The following TMEM150C variants were observed in gnomAD, a reference collection of about 807,000 sequenced individuals.
TMEM150C encodes transmembrane protein 150C.
A neutral mutation model predicts 29.9 loss-of-function variants in TMEM150C; 10 were observed. The observed-to-expected ratio is 0.33, with a 90% CI of 0.21 to 0.57. TMEM150C has a LOEUF of 0.57. Ranked by LOEUF, TMEM150C falls within the 20% of genes least tolerant of loss-of-function variation. The pLI is 0.88. For missense variants in TMEM150C, 251 were observed against 303.6 expected (o/e 0.83, Z 1.29); for synonymous variants, 101 against 112.5 (o/e 0.90, Z 0.64).
intron 6 of TMEM150C, chr4:82,490,979 C>T (rs775562345): frequency 1.3e-4 from 93 of 737,074 alleles, no homozygotes; most frequent in Non-Finnish European, 2.1e-4. Flanking sequence ...CCCGCTTAGC[C>T]AAAGCTCCTT....
Position 82,542,780 on chromosome 4 carries a change from G to C in TMEM150C, c.-11+19126C>G, listed in dbSNP as rs140173818. ...TATATTTGCATCAAGGTGATTGCCA[G>C]TGTCATTAAATGGATCCAGGTGAAA... On this transcript the variant is annotated intron_variant, in intron 1 of 7. Transcript: ENST00000449862. Among the ~76,000 whole-genome samples, 423 of 152,288 alleles carry C rather than the reference G, an allele frequency of 2.8e-3. 2 individuals carry two copies. The highest frequency in any genetic ancestry group is 9.7e-3 in the African/African-American group (404 of 41,552).
intron 6 of TMEM150C, 75 bp from the exon 7 acceptor site, chr4:82,490,313 A>T: frequency 7.7e-7 from 1 of 1,292,990 alleles, no homozygotes; most frequent in Non-Finnish European, 1.1e-6. Flanking sequence ...GAATGAATAT[A>T]TGAGGGGAAA....
chr4:82,524,635 G>A (rs1224905239), intron 1 of TMEM150C, among the ~76,000 whole-genome samples: 1 of 152,212 alleles, frequency 6.6e-6, no homozygotes, highest in Non-Finnish European at 1.5e-5. Context: ...CCCTGGGTCA[G>A]GTATTCTGTT....
chr4:82,517,980 G>A (rs571180502), intron 1 of TMEM150C, among the ~76,000 whole-genome samples: 5 of 152,276 alleles, frequency 3.3e-5, no homozygotes, highest in African/African-American at 1.2e-4. Context: ...GGACTGACAT[G>A]TTTCCTACCT....
At chr4:82,493,041 A>G (rs1723424380) in intron 6 of TMEM150C, among the ~76,000 whole-genome samples, 1 of 151,200 alleles carries the variant, frequency 6.6e-6, no homozygotes, top group African/African-American at 2.4e-5. Context: ...CACATATAAG[A>G]AAGTAAAATC....
chr4:82,520,652 G>A (rs555651491), intron 1 of TMEM150C, among the ~76,000 whole-genome samples: 1 of 152,320 alleles, frequency 6.6e-6, no homozygotes, highest in South Asian at 2.1e-4. Context: ...CCAGCACGGA[G>A]GTGGGTGCAT....
intron 6 of TMEM150C, chr4:82,490,899 A>C: frequency 1.4e-6 from 1 of 712,284 alleles, no homozygotes; most frequent in East Asian, 2.7e-5. Flanking sequence ...CTTGGGACCC[A>C]GGACATTGCC....
At chr4:82,507,644 G>C (rs1381861030) in intron 1 of TMEM150C, among the ~76,000 whole-genome samples, 2 of 149,612 alleles carry the variant, frequency 1.3e-5, no homozygotes, top group Non-Finnish European at 3.0e-5. Context: ...AGCTGCCTTG[G>C]CTTGACAAGT....
chr4:82,485,823 C>G (rs1314320918), intron 7 of TMEM150C, 104 bp from the exon 8 acceptor site: 1 of 1,006,636 alleles, frequency 9.9e-7, no homozygotes, highest in East Asian at 2.6e-5. Flanking sequence ...TTCCTCATCA[C>G]TAGAAAAACT....
chr4:82,560,807 C>T (rs1326461572), intron 1 of TMEM150C, among the ~76,000 whole-genome samples: 3 of 152,208 alleles, frequency 2.0e-5, no homozygotes, highest in Non-Finnish European at 1.5e-5. Context: ...GATGCAGAAA[C>T]TGATCCTGCC....
intron 1 of TMEM150C, among the ~76,000 whole-genome samples, chr4:82,518,658 CCATT>C (rs778479503): frequency 1.3e-5 from 2 of 152,274 alleles, no homozygotes; most frequent in African/African-American, 2.4e-5. Context: ...GTTCCCTTTA[CCATT>C]CCTAGACCAG....
intron 1 of TMEM150C, among the ~76,000 whole-genome samples, chr4:82,530,881 A>G (rs1724824352): frequency 6.6e-6 from 1 of 152,196 alleles, no homozygotes; most frequent in African/African-American, 2.4e-5. Flanking sequence ...GGCCGGAGCA[A>G]GAGAGAGTGA....
At chr4:82,550,657 C>T (rs1033704557) in intron 1 of TMEM150C, among the ~76,000 whole-genome samples, 11 of 152,028 alleles carry the variant, frequency 7.2e-5, no homozygotes, top group Admixed American at 5.9e-4. Context: ...GGCATGGTGG[C>T]GGGCACCGGT....
At chr4:82,556,258 G>A (rs999224758) in intron 1 of TMEM150C, among the ~76,000 whole-genome samples, 2 of 152,174 alleles carry the variant, frequency 1.3e-5, no homozygotes, top group African/African-American at 4.8e-5. Flanking sequence ...GATTACAGGC[G>A]TGAGCCAACG....
intron 1 of TMEM150C, among the ~76,000 whole-genome samples, chr4:82,560,925 A>G (rs1725898900): frequency 6.6e-6 from 1 of 152,198 alleles, no homozygotes; most frequent in African/African-American, 2.4e-5. Flanking sequence ...AGGACATCGG[A>G]GTGGGTTCAC....
At chr4:82,510,963 A>G (rs1202716621) in intron 1 of TMEM150C, among the ~76,000 whole-genome samples, 1 of 152,220 alleles carries the variant, frequency 6.6e-6, no homozygotes, top group African/African-American at 2.4e-5. Flanking sequence ...GGTAATGATG[A>G]GGACTGTTTA....
At chr4:82,494,829 A>G in intron 6 of TMEM150C, 1 of 345,696 alleles carries the variant, frequency 2.9e-6, no homozygotes, top group Non-Finnish European at 5.6e-6. Flanking sequence ...TTTGTTACTC[A>G]AAAAATCTTT....
At chr4:82,530,276 G>C (rs1442029220) in intron 1 of TMEM150C, among the ~76,000 whole-genome samples, 7 of 152,030 alleles carry the variant, frequency 4.6e-5, no homozygotes, top group Non-Finnish European at 1.0e-4. Context: ...CCTGTTCAGG[G>C]GCCAGGCACG....
chr4:82,546,355 C>G (rs1311721197), intron 1 of TMEM150C, among the ~76,000 whole-genome samples: 2 of 152,112 alleles, frequency 1.3e-5, no homozygotes, highest in African/African-American at 4.8e-5. Context: ...GTTACAGTAA[C>G]CAAAACAGCA....
Sources: gnomAD v4.1 joint callset for allele counts (sites outside exome capture counted in the v4.1 genomes callset) on GRCh38, gnomAD v4.1.1 for gene constraint, MANE v1.5 for transcripts, NCBI Gene and HGNC (gene_info 2026-07-23, HGNC 2026-07-21) for gene names.